LRIG3: variants seen among roughly 807,000 people sequenced by gnomAD.
LRIG3 encodes the protein leucine rich repeats and immunoglobulin like domains 3.
In LRIG3, 76 loss-of-function variants were observed where a neutral mutation model predicts 114.5. The ratio of observed to expected loss-of-function variants is 0.66; its 90% CI spans 0.55 to 0.80. The LOEUF is 0.80. Ranked by LOEUF, LRIG3 falls within the 30% of genes least tolerant of loss-of-function variation. LRIG3 has a pLI of 0.00. For synonymous variants in LRIG3, 512 were observed against 519.8 expected, an observed-to-expected ratio of 0.98 and a Z score of 0.20; for missense variants, 1,239 against 1,382.8, an observed-to-expected ratio of 0.90 and a Z score of 1.65.
At position 58,888,350 on chromosome 12, in the gene LRIG3, A is replaced by G; in HGVS notation, c.926T>C (p.Phe309Ser). The G allele has an allele frequency of 6.2e-7, 1 of 1,613,420 alleles. No individual in the cohort carries two copies. Among genetic ancestry groups the G allele is most frequent in the Non-Finnish European group, 8.5e-7 (1 of 1,179,482 alleles). The change falls in exon 7 of 19, where the codon TTC (phenylalanine) becomes TCC (serine). Residue 309 changes from phenylalanine (F) to serine (S), a missense_variant. By Grantham distance (155) the Phe-to-Ser change is radical. Transcript: ENST00000320743. Reference protein sequence around the residue: ...INRISPDAWEFCQKLSELDLT... With the variant: ...INRISPDAWESCQKLSELDLT... ...TCACAGCTCACTGAGCTTCTGGCAGAACTCCCAGGCATCAGGGCTGATCCT... is the reference window on the plus strand; with the variant it reads ...TCACAGCTCACTGAGCTTCTGGCAGGACTCCCAGGCATCAGGGCTGATCCT...
chr12:58,888,515 T>C, intron 6 of LRIG3, 43 bp from the exon 7 acceptor site: 1 of 1,604,368 alleles, frequency 6.2e-7, no homozygotes, highest in Non-Finnish European at 8.5e-7. Context: ...AAAACTTCAT[T>C]ATCTAGTCTC....
At chr12:58,893,140 G>A (rs1378114779) in intron 3 of LRIG3, among the ~76,000 whole-genome samples, 2 of 152,142 alleles carry the variant, frequency 1.3e-5, no homozygotes, top group Non-Finnish European at 2.9e-5. Context: ...AGAGTCAGAT[G>A]GCCGACTTTC....
chr12:58,915,209 G>A (rs1256692886), intron 1 of LRIG3, among the ~76,000 whole-genome samples: 1 of 152,146 alleles, frequency 6.6e-6, no homozygotes, highest in African/African-American at 2.4e-5. Flanking sequence ...CATTGACTAT[G>A]TGCCTTCAAA....
intron 1 of LRIG3, among the ~76,000 whole-genome samples, chr12:58,918,679 C>T (rs1211253527): frequency 6.6e-6 from 1 of 152,188 alleles, no homozygotes; most frequent in Admixed American, 6.5e-5. Flanking sequence ...ATGACCTCCA[C>T]AAGAGGCAAT....
chr12:58,912,197 A>G (rs114568835), intron 3 of LRIG3, among the ~76,000 whole-genome samples: 4,248 of 152,288 alleles, frequency 0.028, 217 homozygotes, highest in African/African-American at 0.097. Flanking sequence ...TTATAACGTT[A>G]AAGTGTAAAA....
At chr12:58,901,456 A>G (rs1251871111) in intron 3 of LRIG3, among the ~76,000 whole-genome samples, 1 of 152,182 alleles carries the variant, frequency 6.6e-6, no homozygotes, top group East Asian at 1.9e-4. Context: ...TATAACAGCC[A>G]TTAGTTATGA....
At chr12:58,915,739 G>T (rs1316515870) in intron 1 of LRIG3, among the ~76,000 whole-genome samples, 1 of 147,866 alleles carries the variant, frequency 6.8e-6, no homozygotes, top group Non-Finnish European at 1.5e-5. Flanking sequence ...GCTGGAGCCA[G>T]ACACTTTCCC....
At chr12:58,900,776 C>T (rs1301446785) in intron 3 of LRIG3, among the ~76,000 whole-genome samples, 6 of 152,180 alleles carry the variant, frequency 3.9e-5, no homozygotes, top group Non-Finnish European at 8.8e-5. Context: ...TGATATGGTA[C>T]ACAGACCAAC....
intron 1 of LRIG3, among the ~76,000 whole-genome samples, chr12:58,917,225 G>A (rs1026423454): frequency 6.6e-6 from 1 of 152,088 alleles, no homozygotes. Context: ...ACTTTCGCCT[G>A]GGTCCTGTTG....
chr12:58,920,069 T>A lies in LRIG3; in HGVS notation c.167A>T (p.Asp56Val), dbSNP rs1872615669. 6.4e-7 allele frequency: 1 copy of A among 1,556,306 alleles called. No homozygotes were observed. Residue 56 changes from aspartate to valine, a missense_variant, in exon 1 of 19, where the codon GAC (aspartate) becomes GTC (valine). Transcript: ENST00000320743. ...PCPTTCRCLG[D>V]LLDCSRKRLA... ...CCGCTTACGACTGCAGTCCAGCAGG[T>A]CCCCGAGGCAGCGGCAGGTAGTGGG... is the stretch of plus-strand genomic sequence containing the variant.
chr12:58,916,616 T>G lies in LRIG3; in HGVS notation c.237-2280A>C, dbSNP rs1490158649. On this transcript the variant is annotated intron_variant, in intron 1 of 18. Transcript: ENST00000320743. ...TAAAACATTCAATAAGAAAGGCAGA[T>G]TCTTCATGTTTAGAGTTCCATTAAT... 2.6e-5 allele frequency among the ~76,000 whole-genome samples: 4 copies of G among 152,140 alleles called. No homozygotes were observed. The East Asian group carries it at 5.8e-4, about 22-fold the overall frequency.
At position 58,902,126 on chromosome 12, in the gene LRIG3, A is replaced by G. The variant is rs1047455470; in HGVS notation, c.384-11330T>C. 2.0e-5 allele frequency among the ~76,000 whole-genome samples: 3 copies of G among 152,270 alleles called. No homozygotes were observed. In the East Asian group the frequency reaches 5.8e-4, roughly 29 times the overall value. On this transcript the variant is annotated intron_variant, in intron 3 of 18. Coordinates refer to ENST00000320743, the MANE Select transcript of LRIG3 (RefSeq NM_153377.5). Reference sequence around the variant, plus strand: ...GGCCAGAGGAGAATAAGAGAAAGAGAGATTTATACAATTAATTGACTACTT... The same window carrying G: ...GGCCAGAGGAGAATAAGAGAAAGAGGGATTTATACAATTAATTGACTACTT...
At chr12:58,874,903 T>C (rs1266533535) in intron 16 of LRIG3, among the ~76,000 whole-genome samples, 1 of 152,180 alleles carries the variant, frequency 6.6e-6, no homozygotes. Context: ...AGAACCAGGA[T>C]TGGCACTTGG....
chr12:58,876,564 G>T lies in LRIG3; in HGVS notation c.2576C>A (p.Ser859Ter). ...CCTGTCAGCTAACGTTCCCTGAGAT[G>T]ACAAATAACTAGGAATATCTGCTGG... Reference protein sequence around the residue: ...NLPADIPSYLSSQGTLADRQD... With the variant: ...NLPADIPSYL Residue 859 changes from serine (S) to a stop codon, truncating the protein, a stop_gained, in exon 16 of 19, where the codon TCA becomes TAA. Coordinates refer to ENST00000320743, the MANE Select transcript of LRIG3 (RefSeq NM_153377.5). LOFTEE classifies it high-confidence loss of function. The T allele has an allele frequency of 1.2e-6, 2 of 1,614,162 alleles. No homozygotes were observed. The highest frequency in any genetic ancestry group is 1.7e-6 in the Non-Finnish European group (2 of 1,180,002).
chr12:58,905,810 C>A (rs954537588), intron 3 of LRIG3, among the ~76,000 whole-genome samples: 1 of 152,152 alleles, frequency 6.6e-6, no homozygotes, highest in Non-Finnish European at 1.5e-5. Flanking sequence ...AGAGTCCCCA[C>A]CAGCAAAAAG....
chr12:58,900,786 C>T (rs1030711894), intron 3 of LRIG3, among the ~76,000 whole-genome samples: 8 of 152,182 alleles, frequency 5.3e-5, no homozygotes, highest in Admixed American at 2.6e-4. Flanking sequence ...CACAGACCAA[C>T]GGACCAGAAT....
Position 58,878,834 on chromosome 12 carries a change from C to CA in LRIG3, c.2072dup (p.Thr692AspfsTer36). 1 of 1,613,484 alleles carries CA rather than the reference C, an allele frequency of 6.2e-7. No individual in the cohort carries two copies. The highest frequency in any genetic ancestry group is 8.5e-7 in the Non-Finnish European group (1 of 1,179,508). On this transcript the variant is annotated frameshift_variant, in exon 14 of 19. Coordinates refer to ENST00000320743, the MANE Select transcript of LRIG3 (RefSeq NM_153377.5). LOFTEE classifies it high-confidence loss of function. Reference sequence around the variant, plus strand: ...AACAAATTCACCCACCTAGGACAGTCAGAGTTGCATTTGCTGAAATACTTC... The same window carrying CA: ...AACAAATTCACCCACCTAGGACAGTCAAGAGTTGCATTTGCTGAAATACTTC...
At chr12:58,903,486 T>C (rs1871945040) in intron 3 of LRIG3, among the ~76,000 whole-genome samples, 1 of 152,200 alleles carries the variant, frequency 6.6e-6, no homozygotes, top group Admixed American at 6.5e-5. Flanking sequence ...GATGAGTAGG[T>C]TGCAAAAATT....
chr12:58,892,774 A>C (rs1871498893), intron 3 of LRIG3, among the ~76,000 whole-genome samples: 1 of 152,248 alleles, frequency 6.6e-6, no homozygotes, highest in Non-Finnish European at 1.5e-5. Flanking sequence ...AAACATCTTA[A>C]AATTAGGGCT....
Sources: gnomAD v4.1 joint callset for allele counts (sites outside exome capture counted in the v4.1 genomes callset) on GRCh38, gnomAD v4.1.1 for gene constraint, MANE v1.5 for transcripts, NCBI Gene and HGNC (gene_info 2026-07-23, HGNC 2026-07-21) for gene names.